KCNT2: variants seen among roughly 807,000 people sequenced by gnomAD.
KCNT2 encodes the protein potassium sodium-activated channel subfamily T member 2, also known as potassium channel subfamily T member 2.
A neutral mutation model predicts 153.8 loss-of-function variants in KCNT2; 67 were observed. The observed-to-expected ratio is 0.44, with a 90% CI of 0.36 to 0.53. The LOEUF is 0.53. Among genes scored for constraint, KCNT2 ranks in the 20% least tolerant of loss-of-function variants. The pLI is 0.00. For synonymous variants in KCNT2, 500 were observed against 458.8 expected, an observed-to-expected ratio of 1.09 and a Z score of -1.15; for missense variants, 975 against 1,354.8, an observed-to-expected ratio of 0.72 and a Z score of 4.40.
chr1:196,365,627 A>G (rs1667974667), intron 14 of KCNT2, among the ~76,000 whole-genome samples: 1 of 152,174 alleles, frequency 6.6e-6, no homozygotes, highest in African/African-American at 2.4e-5. Context: ...ATCTAAATAA[A>G]ATTATGAACA....
intron 4 of KCNT2, among the ~76,000 whole-genome samples, chr1:196,479,633 G>GC (rs11418691): frequency 0.024 from 3,659 of 152,064 alleles, 161 homozygotes; most frequent in African/African-American, 0.084. Context: ...CTGGTCTCAA[G>GC]CCCCGGGGCT....
chr1:196,412,966 G>A (rs1034136733), intron 12 of KCNT2, among the ~76,000 whole-genome samples: 1 of 151,368 alleles, frequency 6.6e-6, no homozygotes, highest in Non-Finnish European at 1.5e-5. Context: ...GGAAAAAAGA[G>A]GTCAGAAAAT....
intron 1 of KCNT2, among the ~76,000 whole-genome samples, chr1:196,560,881 G>A (rs183809255): frequency 6.6e-6 from 1 of 151,928 alleles, no homozygotes; most frequent in African/African-American, 2.4e-5. Context: ...TTCCATCTTT[G>A]TAGTACCTTA....
At chr1:196,404,263 A>T (rs974389768) in intron 12 of KCNT2, 6 of 192,224 alleles carry the variant, frequency 3.1e-5, no homozygotes, top group South Asian at 3.6e-4. Flanking sequence ...GAGTAAGGGC[A>T]ACAGCTCCCC....
intron 1 of KCNT2, among the ~76,000 whole-genome samples, chr1:196,572,895 C>T (rs146507068): frequency 7.9e-5 from 12 of 152,128 alleles, no homozygotes; most frequent in African/African-American, 2.9e-4. Flanking sequence ...TCTCAGAAAA[C>T]TTTAATGAGT....
intron 19 of KCNT2, 105 bp downstream of exon 19, chr1:196,326,612 C>T (rs1357043666): frequency 1.8e-6 from 1 of 570,380 alleles, no homozygotes; most frequent in South Asian, 3.1e-5. Context: ...CATAATGTAT[C>T]TGATTTAAAA....
chr1:196,376,924 A>G (rs1461827349), intron 13 of KCNT2, among the ~76,000 whole-genome samples: 2 of 151,930 alleles, frequency 1.3e-5, no homozygotes, highest in African/African-American at 4.8e-5. Flanking sequence ...CAAGCAGGCT[A>G]AGAAGGGAAG....
At chr1:196,541,715 C>A (rs1265652697) in intron 1 of KCNT2, among the ~76,000 whole-genome samples, 1 of 152,046 alleles carries the variant, frequency 6.6e-6, no homozygotes, top group Non-Finnish European at 1.5e-5. Context: ...TTGAGTGTCA[C>A]TTTTAAAAGA....
chr1:196,545,499 G>A (rs1200921818), intron 1 of KCNT2, among the ~76,000 whole-genome samples: 1 of 151,966 alleles, frequency 6.6e-6, no homozygotes, highest in Non-Finnish European at 1.5e-5. Context: ...ATAGGAACCT[G>A]CAAGCAAGTC....
At chr1:196,398,986 T>C (rs1030850200) in intron 12 of KCNT2, among the ~76,000 whole-genome samples, 1 of 151,562 alleles carries the variant, frequency 6.6e-6, no homozygotes, top group Non-Finnish European at 1.5e-5. Context: ...AACTAATAGT[T>C]TGTAATAGGA....
At chr1:196,287,278 A>T (rs909887160) in intron 22 of KCNT2, among the ~76,000 whole-genome samples, 2 of 152,032 alleles carry the variant, frequency 1.3e-5, no homozygotes, top group African/African-American at 4.8e-5. Context: ...TCTTATTGTG[A>T]TACAGCTAGG....
At chr1:196,354,868 T>G (rs1209749185) in intron 14 of KCNT2, among the ~76,000 whole-genome samples, 1 of 151,838 alleles carries the variant, frequency 6.6e-6, no homozygotes, top group African/African-American at 2.4e-5. Flanking sequence ...ATGAATTACA[T>G]TATTTCACAA....
At chr1:196,253,404 T>C (rs999772277) in intron 26 of KCNT2, among the ~76,000 whole-genome samples, 5 of 151,522 alleles carry the variant, frequency 3.3e-5, no homozygotes, top group Non-Finnish European at 5.9e-5. Context: ...CAATTTGGTC[T>C]CTTCTATCTT....
At chr1:196,257,778 G>A in intron 26 of KCNT2, 1 of 983,528 alleles carries the variant, frequency 1.0e-6, no homozygotes, top group African/African-American at 1.7e-5. Flanking sequence ...AATTTTATAA[G>A]AACATTTTGG....
At position 196,498,318 on chromosome 1, in the gene KCNT2, G is replaced by A. The variant is rs966838734; in HGVS notation, c.96-5977C>T. Among the ~76,000 whole-genome samples, 3 of 152,042 alleles carry A rather than the reference G, an allele frequency of 2.0e-5. No individual in the cohort carries two copies. In the East Asian group the frequency reaches 5.8e-4, roughly 29 times the overall value. ...GTGCCAGTGCCTTGATACCTATTTA[G>A]GATATCAAACTTTTGTGGATAGTCT... On this transcript the variant is annotated intron_variant, in intron 1 of 27. Transcript: ENST00000294725.
At chr1:196,259,389 A>G (rs985123498) in intron 25 of KCNT2, among the ~76,000 whole-genome samples, 3 of 152,144 alleles carry the variant, frequency 2.0e-5, no homozygotes, top group African/African-American at 7.2e-5. Context: ...GTCATATGAA[A>G]TGCAACACTG....
intron 18 of KCNT2, among the ~76,000 whole-genome samples, chr1:196,329,003 G>A (rs1178914569): frequency 6.6e-6 from 1 of 152,054 alleles, no homozygotes; most frequent in East Asian, 1.9e-4. Flanking sequence ...GGATCATCAA[G>A]AATGTCAATA....
chr1:196,479,147 T>C, intron 5 of KCNT2, 32 bp downstream of exon 5: 1 of 1,296,692 alleles, frequency 7.7e-7, no homozygotes, highest in Admixed American at 1.8e-5. Context: ...ATGTGTTCTA[T>C]CAGCGGGAAA....
At chr1:196,474,705 G>T (rs182912844) in intron 5 of KCNT2, among the ~76,000 whole-genome samples, 1 of 152,158 alleles carries the variant, frequency 6.6e-6, no homozygotes, top group Non-Finnish European at 1.5e-5. Context: ...TTGATTTAAC[G>T]AATGTGTGTG....
Sources: allele counts gnomAD v4.1 joint callset (sites outside exome capture counted in the v4.1 genomes callset), GRCh38; gene constraint gnomAD v4.1.1; transcripts MANE v1.5; gene names NCBI Gene and HGNC (gene_info 2026-07-23, HGNC 2026-07-21).